The following FBXL7 variants were observed in gnomAD, a reference collection of about 807,000 sequenced individuals.
FBXL7 encodes F-box and leucine rich repeat protein 7.
A neutral mutation model predicts 38.3 loss-of-function variants in FBXL7; 12 were observed. That is an observed-to-expected ratio of 0.31 (90% CI 0.20 to 0.51). The LOEUF (loss-of-function observed/expected upper bound fraction) is 0.51, where lower values mean the gene tolerates loss of function less well. Ranked by LOEUF, FBXL7 falls within the 20% of genes least tolerant of loss-of-function variation. The pLI is 0.98. For synonymous variants in FBXL7, 297 were observed against 300.9 expected (o/e 0.99, Z 0.13); for missense variants, 567 against 676.4 (o/e 0.84, Z 1.79).
chr5:15,832,276 T>C (rs1471274342), intron 2 of FBXL7, among the ~76,000 whole-genome samples: 3 of 152,188 alleles, frequency 2.0e-5, no homozygotes, highest in African/African-American at 7.2e-5. Flanking sequence ...AAGCAAGTAA[T>C]CTTTGCGAAT....
At chr5:15,911,372 C>T (rs1579593352) in intron 2 of FBXL7, among the ~76,000 whole-genome samples, 1 of 120,062 alleles carries the variant, frequency 8.3e-6, no homozygotes, top group South Asian at 2.7e-4. Context: ...GTTTTCAGCT[C>T]CATCAGCTCC....
intron 1 of FBXL7, among the ~76,000 whole-genome samples, chr5:15,600,469 G>A (rs1739757757): frequency 6.6e-6 from 1 of 152,128 alleles, no homozygotes; most frequent in African/African-American, 2.4e-5. Context: ...GTGGGGGTCT[G>A]TTCATTTGGT....
At chr5:15,577,329 A>G (rs1052167054) in intron 1 of FBXL7, among the ~76,000 whole-genome samples, 4 of 151,926 alleles carry the variant, frequency 2.6e-5, no homozygotes, top group African/African-American at 9.7e-5. Context: ...CCCCAGGGGC[A>G]GGGGGGCATT....
intron 2 of FBXL7, among the ~76,000 whole-genome samples, chr5:15,682,879 G>A (rs34098000): frequency 0.28 from 42,635 of 152,090 alleles, 6,619 homozygotes; most frequent in South Asian, 0.38. Flanking sequence ...TTTATTGTCT[G>A]AGATTTTCTG....
intron 2 of FBXL7, among the ~76,000 whole-genome samples, chr5:15,839,102 T>C (rs1335838435): frequency 1.3e-5 from 2 of 151,814 alleles, no homozygotes; most frequent in African/African-American, 2.4e-5. Flanking sequence ...TTTTTTTTTT[T>C]CCAATTTGTA....
intron 1 of FBXL7, among the ~76,000 whole-genome samples, chr5:15,573,265 A>T (rs1738845448): frequency 6.6e-6 from 1 of 152,198 alleles, no homozygotes; most frequent in Non-Finnish European, 1.5e-5. Context: ...TGAGCCTTCC[A>T]TGTCTTTGAG....
Position 15,580,848 on chromosome 5 carries a change from G to A in FBXL7, c.38-35135G>A, listed in dbSNP as rs774938082. ...TCATGGGCCTGGAGACTATCCCAGCGACACTGGTTGATGCATGGCTGGAAG... is the reference window on the plus strand; with the variant it reads ...TCATGGGCCTGGAGACTATCCCAGCAACACTGGTTGATGCATGGCTGGAAG... On this transcript the variant is annotated intron_variant, in intron 1 of 3. Coordinates refer to ENST00000504595, the MANE Select transcript of FBXL7 (RefSeq NM_012304.5). 20 of 978,862 alleles carry A rather than the reference G, an allele frequency of 2.0e-5. 1 individual carries two copies. The South Asian group carries it at 2.8e-4, about 14-fold the overall frequency. The allele number at this position is 978,862 out of a possible 1,614,324, so 60.6% of individuals were successfully genotyped here. A position where few individuals can be genotyped will look rare whatever the true frequency, so the allele number is the denominator to read the frequency against.
intron 2 of FBXL7, among the ~76,000 whole-genome samples, chr5:15,779,085 A>G (rs151005337): frequency 6.6e-6 from 1 of 152,216 alleles, no homozygotes; most frequent in East Asian, 1.9e-4. Flanking sequence ...TTTCATCTTG[A>G]GCAGAGTAGA....
chr5:15,749,213 C>A lies in FBXL7; in HGVS notation c.127+133141C>A, dbSNP rs527444436. 2.1e-3 allele frequency among the ~76,000 whole-genome samples: 287 copies of A among 139,958 alleles called. 2 individuals are homozygous for A. Among genetic ancestry groups the A allele is most frequent in the African/African-American group, 7.4e-3 (273 of 36,652 alleles). The allele number at this position is 139,958 out of a possible 152,430, so 91.8% of individuals were successfully genotyped here. ...TGAGCAGAGATCATGCCACTGCACT[C>A]CAGCCTGGCCAACAGAGTGAGACTC... On this transcript the variant is annotated intron_variant, in intron 2 of 3. Transcript: ENST00000504595.
In FBXL7 at chr5:15,544,101, G is replaced by A. The variant is rs1460238178; in HGVS notation, c.37+43388G>A. On this transcript the variant is annotated intron_variant, in intron 1 of 3. Transcript: ENST00000504595. Reference sequence around the variant, plus strand: ...TAAATATGAGTGCAGAACTGCCTCTGAGAACCTACTCTGGACACATTGCCG... The same window carrying A: ...TAAATATGAGTGCAGAACTGCCTCTAAGAACCTACTCTGGACACATTGCCG... Among the ~76,000 whole-genome samples, 3 of 152,328 alleles carry A rather than the reference G, an allele frequency of 2.0e-5. No individual in the cohort carries two copies. In the East Asian group the frequency reaches 5.8e-4, roughly 29 times the overall value.
intron 2 of FBXL7, among the ~76,000 whole-genome samples, chr5:15,864,878 T>G (rs1739637222): frequency 6.6e-6 from 1 of 152,194 alleles, no homozygotes; most frequent in Non-Finnish European, 1.5e-5. Context: ...GAATGCAAGC[T>G]CAAACTAGCC....
At chr5:15,537,553 G>A (rs1470314370) in intron 1 of FBXL7, among the ~76,000 whole-genome samples, 1 of 152,346 alleles carries the variant, frequency 6.6e-6, no homozygotes, top group East Asian at 1.9e-4. Flanking sequence ...GGATGGGGTT[G>A]GTGAGGCAAG....
chr5:15,555,784 G>GAGATAGATAGAT (rs70938016), intron 1 of FBXL7, among the ~76,000 whole-genome samples: 6,334 of 139,656 alleles, frequency 0.045, 167 homozygotes, highest in African/African-American at 0.056. Flanking sequence ...AAGGGTAGAT[G>GAGATAGATAGAT]AGATAGATAG....
At chr5:15,809,208 G>C (rs1222241097) in intron 2 of FBXL7, among the ~76,000 whole-genome samples, 3 of 152,160 alleles carry the variant, frequency 2.0e-5, no homozygotes, top group African/African-American at 7.2e-5. Flanking sequence ...CTATTTTTTG[G>C]ATACCTTACC....
Position 15,928,120 on chromosome 5 carries a change from C to T in FBXL7, c.358C>T (p.His120Tyr), listed in dbSNP as rs956194203. Reference sequence around the variant, plus strand: ...GGCCAGCATAGACCGGCTCCCGGACCACTCCATGGTGCAGATCTTCTCCTT... The same window carrying T: ...GGCCAGCATAGACCGGCTCCCGGACTACTCCATGGTGCAGATCTTCTCCTT... ...EQASIDRLPDHSMVQIFSFLP... is the reference protein window; with the variant it reads ...EQASIDRLPDYSMVQIFSFLP... The change falls in exon 3 of 4, where the codon CAC (histidine) becomes TAC (tyrosine). Residue 120 changes from histidine to tyrosine, a missense_variant. Physicochemically the swap from His to Tyr is moderately conservative, Grantham distance 83 (BLOSUM62 2). Transcript: ENST00000504595. The surrounding 1 kb of genome is among the most constrained non-coding windows in gnomAD (Gnocchi z 4.0). 6.2e-6 allele frequency: 10 copies of T among 1,611,962 alleles called. No homozygotes were observed. Among genetic ancestry groups the T allele is most frequent in the East Asian group, 4.5e-5 (2 of 44,738 alleles).
At chr5:15,624,687 C>A (rs1740752203) in intron 2 of FBXL7, among the ~76,000 whole-genome samples, 1 of 152,172 alleles carries the variant, frequency 6.6e-6, no homozygotes, top group Non-Finnish European at 1.5e-5. Flanking sequence ...CTGATGAATT[C>A]AGCTTTTCTG....
intron 1 of FBXL7, among the ~76,000 whole-genome samples, chr5:15,536,262 C>G (rs2126399978): frequency 6.6e-6 from 1 of 152,372 alleles, no homozygotes; most frequent in East Asian, 1.9e-4. Context: ...GGAGACTGCA[C>G]ATAGAATCCC....
intron 2 of FBXL7, among the ~76,000 whole-genome samples, chr5:15,801,754 G>A (rs1306426957): frequency 1.3e-5 from 2 of 151,058 alleles, no homozygotes; most frequent in African/African-American, 4.9e-5. Flanking sequence ...CTCTGAAAGT[G>A]TCTTTCATTG....
intron 2 of FBXL7, among the ~76,000 whole-genome samples, chr5:15,737,760 C>T (rs1187803763): frequency 6.6e-6 from 1 of 152,106 alleles, no homozygotes; most frequent in Non-Finnish European, 1.5e-5. Flanking sequence ...TGCCCTAGTT[C>T]TCAATTCCTT....
Sources: gnomAD v4.1 joint callset for allele counts (sites outside exome capture counted in the v4.1 genomes callset) on GRCh38, gnomAD v4.1.1 for gene constraint, Gnocchi (gnomAD v3.1) non-coding constraint, MANE v1.5 for transcripts, NCBI Gene and HGNC (gene_info 2026-07-23, HGNC 2026-07-21) for gene names.